The following SYF2 variants were observed in gnomAD, a reference collection of about 807,000 sequenced individuals.
SYF2 encodes the protein pre-mRNA-splicing factor SYF2.
In SYF2, 21 loss-of-function variants were observed where a neutral mutation model predicts 32.7. That is an observed-to-expected ratio of 0.64 (90% CI 0.45 to 0.92). The LOEUF is 0.92. Ranked by LOEUF, SYF2 falls within the 40% of genes least tolerant of loss-of-function variation. The probability of loss-of-function intolerance (pLI) is 0.00; values close to 1 mark genes in which losing one functional copy is unlikely to be tolerated. For synonymous variants in SYF2, 114 were observed against 103.9 expected (o/e 1.10, Z -0.59); for missense variants, 278 against 296.5 (o/e 0.94, Z 0.46).
chr1:25,222,518 T>C lies in SYF2; in HGVS notation c.*748A>G, dbSNP rs918384864. Among the ~76,000 whole-genome samples, 1 of 151,990 alleles carries C rather than the reference T, an allele frequency of 6.6e-6. No homozygotes were observed. The highest frequency in any genetic ancestry group is 2.4e-5 in the African/African-American group (1 of 41,370). ...GCAGGACTGGCCATGAGTTAATGAT[T>C]GTTGAACAGGGTACTGGGTATATGG... On this transcript the variant is annotated 3_prime_UTR_variant, in exon 7 of 7. Coordinates refer to ENST00000236273, the MANE Select transcript of SYF2 (RefSeq NM_015484.5).
intron 2 of SYF2, 98 bp downstream of exon 2, chr1:25,232,006 G>A (rs951830194): frequency 1.7e-6 from 2 of 1,192,684 alleles, no homozygotes; most frequent in East Asian, 5.0e-5. Context: ...TGCTCTGTTG[G>A]TCTGTCAGAC....
At chr1:25,226,429 G>A (rs1399628244) in intron 5 of SYF2, among the ~76,000 whole-genome samples, 1 of 152,204 alleles carries the variant, frequency 6.6e-6, no homozygotes, top group Non-Finnish European at 1.5e-5. Flanking sequence ...AGCTGCTTTT[G>A]CACTGCAGCA....
rs568076800 is a variant in SYF2 at position 25,225,054 on chromosome 1, G to A, written c.514C>T (p.His172Tyr). 1 of 1,614,118 alleles carries A rather than the reference G, an allele frequency of 6.2e-7. No homozygotes were observed. Among genetic ancestry groups the A allele is most frequent in the East Asian group, 2.2e-5 (1 of 44,866 alleles). Residue 172 changes from histidine (H) to tyrosine (Y), a missense_variant, in exon 6 of 7, where the codon CAT (histidine) becomes TAT (tyrosine). His to Tyr is a moderately conservative substitution (Grantham distance 83). Coordinates refer to ENST00000236273, the MANE Select transcript of SYF2 (RefSeq NM_015484.5). ...TCAATTTCCTCTGTGGAAGGCACAT[G>A]TGTTCCATGAAGAAGACTATTGGAT... ...PTSNSLLHGT[H>Y]VPSTEEIDRM...
intron 6 of SYF2, 139 bp downstream of exon 6, chr1:25,224,863 C>T: frequency 1.5e-6 from 1 of 654,646 alleles, no homozygotes; most frequent in South Asian, 1.9e-5. Flanking sequence ...CCACTATAGA[C>T]AGGTCAAAAA....
In SYF2 at chr1:25,229,097, C is replaced by T. The variant is rs766514026; in HGVS notation, c.159G>A (p.Gln53=). The T allele has an allele frequency of 1.2e-6, 2 of 1,612,374 alleles. No individual in the cohort carries two copies. Among genetic ancestry groups the T allele is most frequent in the Non-Finnish European group, 1.7e-6 (2 of 1,179,636 alleles). The change falls in exon 3 of 7, where the codon CAG becomes CAA. Residue 53 remains glutamine, a synonymous_variant. Coordinates refer to ENST00000236273, the MANE Select transcript of SYF2 (RefSeq NM_015484.5). The part of the protein sequence containing the change: ...MRNEARKLNH[Q]EVVEEDKRLK... ...GTCTTTTATCTTCTTCCACAACTTC[C>T]TGGTGATTTAATTTACGAGCTTCAT...
chr1:25,222,670 C>T lies in SYF2; in HGVS notation c.*596G>A, dbSNP rs1638431938. On this transcript the variant is annotated 3_prime_UTR_variant, in exon 7 of 7. Transcript: ENST00000236273. ...ACAAATGTTTGTTTTAAATGATAGA[C>T]TAAAAATGTTAGAAATTCTAATCCC... 6.6e-6 allele frequency: 1 copy of T among 152,090 alleles called. No individual in the cohort carries two copies. The highest frequency in any genetic ancestry group is 1.9e-4 in the East Asian group (1 of 5,198). 9.4% of individuals were successfully genotyped at this position (152,090 alleles called of 1,614,324 possible). A position where few individuals can be genotyped will look rare whatever the true frequency, so the allele number is the denominator to read the frequency against.
chr1:25,231,043 T>C (rs1638618945), intron 2 of SYF2: 1 of 152,218 alleles, frequency 6.6e-6, no homozygotes, highest in Non-Finnish European at 1.5e-5. Flanking sequence ...CCTGACCTTG[T>C]GATCCGCCCT....
chr1:25,225,933 A>G (rs1350801622), intron 5 of SYF2, among the ~76,000 whole-genome samples: 1 of 150,562 alleles, frequency 6.6e-6, no homozygotes, highest in Admixed American at 6.6e-5. Context: ...AGGTGGGCAC[A>G]TCACCTGAGG....
At position 25,223,381 on chromosome 1, in the gene SYF2, GCAT is replaced by G; in HGVS notation, c.614_616del (p.Asp205del). 6.2e-7 allele frequency: 1 copy of G among 1,613,746 alleles called. No homozygotes were observed. Among genetic ancestry groups the G allele is most frequent in the Non-Finnish European group, 8.5e-7 (1 of 1,179,892 alleles). ...CCTTTCATTAATGTAGTCGATATCTGCATCATCATTATAAGGACGTCTCCGGCT... is the reference window on the plus strand; with the variant it reads ...CCTTTCATTAATGTAGTCGATATCTGCATCATTATAAGGACGTCTCCGGCT... On this transcript the variant is annotated inframe_deletion, in exon 7 of 7. Coordinates refer to ENST00000236273, the MANE Select transcript of SYF2 (RefSeq NM_015484.5).
Position 25,227,438 on chromosome 1 carries a change from T to G in SYF2, c.467+4A>C. ...ACATCACCTCAGGTTGAAAAAGGAC[T>G]TACTGTTTTTCTCTCAGTCTCTCAT... On this transcript the variant is annotated splice_donor_region_variant and intron_variant, in intron 5 of 6. Transcript: ENST00000236273. 6.2e-7 allele frequency: 1 copy of G among 1,612,358 alleles called. No individual in the cohort carries two copies.
chr1:25,227,889 A>G (rs190449215), intron 4 of SYF2, among the ~76,000 whole-genome samples: 9 of 152,314 alleles, frequency 5.9e-5, no homozygotes, highest in Admixed American at 4.6e-4. Context: ...GATGCTGACA[A>G]ACAGACTTTG....
chr1:25,229,442 C>G (rs905970110), intron 2 of SYF2, among the ~76,000 whole-genome samples: 56 of 152,032 alleles, frequency 3.7e-4, no homozygotes, highest in Admixed American at 8.5e-4. Context: ...GTATTGGAGA[C>G]CATACTATAG....
chr1:25,229,008 T>C lies in SYF2; in HGVS notation c.248A>G (p.Glu83Gly). ...AGAATAGTTCCTAACCTTTTTCTTT[T>C]CCTCTTCCTTTAGTTCCCACTCCAA... ...ARLEWELKEEEKKKECAARGE... is the reference protein window; with the variant it reads ...ARLEWELKEEGKKKECAARGE... Residue 83 changes from glutamate (E) to glycine (G), a missense_variant, in exon 3 of 7, where the codon GAA (glutamate) becomes GGA (glycine). Physicochemically the swap from Glu to Gly is moderately conservative, Grantham distance 98. Coordinates refer to ENST00000236273, the MANE Select transcript of SYF2 (RefSeq NM_015484.5). 1 of 1,612,526 alleles carries C rather than the reference T, an allele frequency of 6.2e-7. No homozygotes were observed. The highest frequency in any genetic ancestry group is 1.7e-5 in the Admixed American group (1 of 59,544).
chr1:25,231,977 C>T (rs1638639222), intron 2 of SYF2, 127 bp downstream of exon 2: 3 of 950,740 alleles, frequency 3.2e-6, no homozygotes, highest in African/African-American at 1.6e-5. Flanking sequence ...CCGAACAGAG[C>T]TTTCCTCTCA....
intron 5 of SYF2, among the ~76,000 whole-genome samples, chr1:25,227,128 C>A (rs967531697): frequency 5.3e-5 from 8 of 152,004 alleles, no homozygotes; most frequent in Admixed American, 5.2e-4. Flanking sequence ...GCTAAAACTA[C>A]AAAAATTAGT....
intron 3 of SYF2, among the ~76,000 whole-genome samples, chr1:25,228,514 T>C (rs975843667): frequency 6.6e-6 from 1 of 152,128 alleles, no homozygotes; most frequent in African/African-American, 2.4e-5. Context: ...TTTGTATTTT[T>C]AGTAGAGATG....
Position 25,229,078 on chromosome 1 carries a change from T to C in SYF2, c.178A>G (p.Lys60Glu), listed in dbSNP as rs763175958. The change falls in exon 3 of 7, where the codon AAA becomes GAA. Residue 60 changes from lysine to glutamate, a missense_variant. Transcript: ENST00000236273. ...LNHQEVVEED[K>E]RLKLPANWEA... ...CAATTTGCAGGTAATTTTAGTCTTT[T>C]ATCTTCTTCCACAACTTCCTGGTGA... is the stretch of plus-strand genomic sequence containing the variant. 4 of 1,613,988 alleles carry C rather than the reference T, an allele frequency of 2.5e-6. No individual in the cohort carries two copies. The highest frequency in any genetic ancestry group is 4.5e-5 in the East Asian group (2 of 44,892).
intron 4 of SYF2, 40 bp from the exon 5 acceptor site, chr1:25,227,572 T>C (rs562663075): frequency 6.4e-7 from 1 of 1,569,608 alleles, no homozygotes; most frequent in Non-Finnish European, 8.7e-7. Flanking sequence ...ATATATTTCC[T>C]TGTTTGGACC....
rs772057335 is a variant in SYF2 at position 25,225,094 on chromosome 1, T to C, written c.474A>G (p.Glu158=). 2 of 1,613,222 alleles carry C rather than the reference T, an allele frequency of 1.2e-6. No homozygotes were observed. Among genetic ancestry groups the C allele is most frequent in the East Asian group, 2.2e-5 (1 of 44,866 alleles). The change falls in exon 6 of 7, where the codon GAA becomes GAG. Residue 158 remains glutamate (E), a synonymous_variant. Coordinates refer to ENST00000236273, the MANE Select transcript of SYF2 (RefSeq NM_015484.5). The stretch of plus-strand genomic sequence containing the variant: ...GACTATTGGATGTTGGGAAAAACTC[T>C]TCTCCACTGAAAAGGCAGCAAAATG... ...TYERLREKHG[E]EFFPTSNSLL...
Sources: allele counts gnomAD v4.1 joint callset (sites outside exome capture counted in the v4.1 genomes callset), GRCh38; gene constraint gnomAD v4.1.1; transcripts MANE v1.5; gene names NCBI Gene and HGNC (gene_info 2026-07-23, HGNC 2026-07-21).